Variants in PCDHGB2 observed in about 807,000 individuals in gnomAD.
PCDHGB2 encodes protocadherin gamma-B2.
PCDHGB2 carries 55 observed loss-of-function variants against 59.3 expected under a neutral mutation model. The ratio of observed to expected loss-of-function variants is 0.93; its 90% CI spans 0.75 to 1.16. The LOEUF is 1.16. Among genes scored for constraint, PCDHGB2 ranks in the 50% most tolerant of loss-of-function variants. The pLI is 0.00. For synonymous variants in PCDHGB2, 516 were observed against 512.0 expected, an observed-to-expected ratio of 1.01 and a Z score of -0.11; for missense variants, 1,228 against 1,198.5, an observed-to-expected ratio of 1.02 and a Z score of -0.36.
rs778067452 is a variant in PCDHGB2, at chr5:141,364,597, G to C, written c.2421+2041G>C. 4.3e-6 allele frequency: 7 copies of C among 1,614,088 alleles called. No individual in the cohort carries two copies. The highest frequency in any genetic ancestry group is 5.1e-6 in the Non-Finnish European group (6 of 1,180,016). ...GCGGCAGCTTGGTCACCGCGGGCAG[G>C]ATAGACCGGGAGGAGCTCTGCGCTC... On this transcript the variant is annotated intron_variant, in intron 1 of 3. Transcript: ENST00000522605.
In PCDHGB2 at chr5:141,362,212, G is replaced by C; in HGVS notation, c.2077G>C (p.Val693Leu). ...DPQAKLQFYL[V>L]VALALISVLF... ...CCAGGCAAAACTGCAGTTTTACCTG[G>C]TTGTGGCCTTGGCCTTGATCTCAGT... Residue 693 changes from valine (V) to leucine (L), a missense_variant, in exon 1 of 4, where the codon GTT becomes CTT. By Grantham distance (32) the Val-to-Leu change is conservative (BLOSUM62 1). Around this residue, in one of 3 missense-constraint regions of PCDHGB2, gnomAD observed 433 missense variants for 441.8 expected, o/e 0.98. Transcript: ENST00000522605. The C allele has an allele frequency of 6.2e-7, 1 of 1,614,048 alleles. No homozygotes were observed. The highest frequency in any genetic ancestry group is 8.5e-7 in the Non-Finnish European group (1 of 1,179,904).
In PCDHGB2 at chr5:141,394,383, C is replaced by G. The variant is rs2092989606; in HGVS notation, c.2421+31827C>G. The G allele has an allele frequency of 3.1e-6, 5 of 1,614,118 alleles. No homozygotes were observed. In the Admixed American group the frequency reaches 5.0e-5, roughly 16 times the overall value. ...TGCGCTGCAATCTTTCGACTATGAG[C>G]AGATCCGAGACCTGCAGCTACTGGT... On this transcript the variant is annotated intron_variant, in intron 1 of 3. Transcript: ENST00000522605.
intron 1 of PCDHGB2, chr5:141,426,420 C>T (rs2096934904): frequency 3.5e-6 from 1 of 287,972 alleles, no homozygotes; most frequent in Non-Finnish European, 6.9e-6. Flanking sequence ...TCCAGGGCTC[C>T]GTGGTGGGGA....
intron 1 of PCDHGB2, among the ~76,000 whole-genome samples, chr5:141,400,827 C>G (rs1236536713): frequency 2.0e-5 from 3 of 152,178 alleles, no homozygotes; most frequent in Admixed American, 2.0e-4. Flanking sequence ...TTCGTTGTCT[C>G]ATTCTTTAAC....
At chr5:141,414,400 G>C (rs768269499) in intron 1 of PCDHGB2, 1 of 1,613,878 alleles carries the variant, frequency 6.2e-7, no homozygotes, top group Admixed American at 1.7e-5. Context: ...TTACAGATTG[G>C]TGATACACAG....
At chr5:141,414,802 G>C (rs201378410) in intron 1 of PCDHGB2, 3 of 1,614,108 alleles carry the variant, frequency 1.9e-6, no homozygotes, top group Admixed American at 3.3e-5. Flanking sequence ...CGACAGCGGG[G>C]ATCCTCCACT....
intron 1 of PCDHGB2, among the ~76,000 whole-genome samples, chr5:141,474,227 G>A (rs1394834744): frequency 6.6e-6 from 1 of 152,190 alleles, no homozygotes; most frequent in Non-Finnish European, 1.5e-5. Flanking sequence ...TGTGAATTAA[G>A]TGATGCTGAA....
At chr5:141,472,347 C>G (rs992566469) in intron 1 of PCDHGB2, among the ~76,000 whole-genome samples, 11 of 152,028 alleles carry the variant, frequency 7.2e-5, no homozygotes, top group Non-Finnish European at 1.2e-4. Context: ...CGAGACCATC[C>G]TGGCTAACAC....
rs111263562 is a variant in PCDHGB2, at chr5:141,487,812, T to C, written c.2422-6995T>C. The C allele has an allele frequency of 1.1e-4, 148 of 1,408,204 alleles. 1 individual carries two copies. Among genetic ancestry groups the C allele is most frequent in the South Asian group, 1.6e-4 (12 of 73,988 alleles). The allele number at this position is 1,408,204 out of a possible 1,614,324, so 87.2% of individuals were successfully genotyped here. On this transcript the variant is annotated intron_variant, in intron 1 of 3. Coordinates refer to ENST00000522605, the MANE Select transcript of PCDHGB2 (RefSeq NM_018923.3). The surrounding 1 kb of genome is among the most constrained non-coding windows in gnomAD (Gnocchi z 5.0). ...TAACCAGAGTTGTCACAGTTTAGCA[T>C]TGGGGGCGGGTCATGCCTATATCTG...
At chr5:141,463,553 A>G (rs1163004575) in intron 1 of PCDHGB2, among the ~76,000 whole-genome samples, 3 of 140,962 alleles carry the variant, frequency 2.1e-5, no homozygotes, top group Non-Finnish European at 4.5e-5. Context: ...GGTTCATGCC[A>G]TTCTCCTGCC....
Position 141,487,931 on chromosome 5 carries a change from G to A in PCDHGB2, c.2422-6876G>A. The stretch of plus-strand genomic sequence containing the variant: ...AGCACAGGAGGCTACAGTGCACAGG[G>A]TACAGTGCACCAGGCAGTCACTTGG... On this transcript the variant is annotated intron_variant, in intron 1 of 3. Transcript: ENST00000522605. The surrounding 1 kb of genome is among the most constrained non-coding windows in gnomAD (Gnocchi z 5.0). The A allele has an allele frequency of 1.6e-6, 1 of 612,954 alleles. No homozygotes were observed. The highest frequency in any genetic ancestry group is 2.8e-6 in the Non-Finnish European group (1 of 351,318). 38.0% of individuals were successfully genotyped at this position (612,954 alleles called of 1,614,324 possible). A position where few individuals can be genotyped will look rare whatever the true frequency, so the allele number is the denominator to read the frequency against.
At chr5:141,365,637 G>A in intron 1 of PCDHGB2, 1 of 1,613,458 alleles carries the variant, frequency 6.2e-7, no homozygotes. Context: ...TCTACAGAAA[G>A]CCACATCCCC....
chr5:141,365,442 T>C, intron 1 of PCDHGB2: 1 of 1,614,014 alleles, frequency 6.2e-7, no homozygotes, highest in Non-Finnish European at 8.5e-7. Context: ...CTGTTTAGCG[T>C]ACATGATGGT....
At position 141,487,235 on chromosome 5, in the gene PCDHGB2, C is replaced by A. The variant is rs752316565; in HGVS notation, c.2422-7572C>A. ...TTCAGCTCCAAGGGAAGGAGAATCT[C>A]GTCTAACCCTCTACTTGGCTGTGTC... On this transcript the variant is annotated intron_variant, in intron 1 of 3. Coordinates refer to ENST00000522605, the MANE Select transcript of PCDHGB2 (RefSeq NM_018923.3). This position sits in a 1 kb window ranked among gnomAD's most constrained non-coding sequence, Gnocchi z 5.0. 11 of 1,614,126 alleles carry A rather than the reference C, an allele frequency of 6.8e-6. No homozygotes were observed. The highest frequency in any genetic ancestry group is 7.6e-6 in the Non-Finnish European group (9 of 1,179,994).
intron 1 of PCDHGB2, among the ~76,000 whole-genome samples, chr5:141,453,993 A>T (rs2098779172): frequency 6.6e-6 from 1 of 152,234 alleles, no homozygotes; most frequent in African/African-American, 2.4e-5. Flanking sequence ...CCAGTGATAA[A>T]CCCACATAAC....
intron 1 of PCDHGB2, chr5:141,418,535 G>A: frequency 6.2e-7 from 1 of 1,614,002 alleles, no homozygotes. Context: ...AAGCGGTACT[G>A]CTCAGATAAG....
chr5:141,376,360 C>A lies in PCDHGB2; in HGVS notation c.2421+13804C>A, dbSNP rs1772602166. The stretch of plus-strand genomic sequence containing the variant: ...AGACCTATTCCCACGAGGTCTCACT[C>A]ACTGCAGACTCGCGTAAGAGTCATC... On this transcript the variant is annotated intron_variant, in intron 1 of 3. Transcript: ENST00000522605. 5 of 1,614,236 alleles carry A rather than the reference C, an allele frequency of 3.1e-6. No homozygotes were observed. In the African/African-American group the frequency reaches 6.7e-5, roughly 22 times the overall value.
chr5:141,470,490 A>C (rs1193023083), intron 1 of PCDHGB2, among the ~76,000 whole-genome samples: 1 of 152,202 alleles, frequency 6.6e-6, no homozygotes, highest in African/African-American at 2.4e-5. Context: ...TCTGGGAATA[A>C]TATTAGGTAA....
intron 1 of PCDHGB2, chr5:141,366,959 G>A (rs780082329): frequency 3.9e-4 from 255 of 654,682 alleles, no homozygotes; most frequent in Non-Finnish European, 5.6e-4. Context: ...GTAGACTTAA[G>A]TGAAACAAAT....
Sources: gnomAD v4.1 joint callset for allele counts (sites outside exome capture counted in the v4.1 genomes callset) on GRCh38, gnomAD v4.1.1 for gene constraint, gnomAD v4.1.1 regional missense constraint, Gnocchi (gnomAD v3.1) non-coding constraint, MANE v1.5 for transcripts, NCBI Gene and HGNC (gene_info 2026-07-23, HGNC 2026-07-21) for gene names.